Variants in TEX14 observed in about 807,000 individuals in gnomAD.
TEX14 encodes testis expressed 14, intercellular bridge forming factor, also known as inactive serine/threonine-protein kinase TEX14.
TEX14 carries 168 observed loss-of-function variants against 178.6 expected under a neutral mutation model. The observed-to-expected ratio is 0.94, with a 90% CI of 0.83 to 1.07. The LOEUF is 1.07. Among genes scored for constraint, TEX14 ranks in the 50% least tolerant of loss-of-function variants. TEX14 has a pLI of 0.00. For missense variants in TEX14, 1,730 were observed against 1,753.6 expected, an observed-to-expected ratio of 0.99 and a Z score of 0.24; for synonymous variants, 626 against 634.1, an observed-to-expected ratio of 0.99 and a Z score of 0.19.
rs199725150 is a variant in TEX14, at chr17:58,651,973, G to A, written c.29C>T (p.Pro10Leu). 3 of 1,602,216 alleles carry A rather than the reference G, an allele frequency of 1.9e-6. No individual in the cohort carries two copies. Among genetic ancestry groups the A allele is most frequent in the East Asian group, 4.5e-5 (2 of 44,426 alleles). The change falls in exon 2 of 32, where the codon CCC (proline) becomes CTC (leucine). Residue 10 changes from proline (P) to leucine (L), a missense_variant. This residue lies in a region of TEX14 where 789 missense variants were observed against 681.2 expected (regional missense o/e 1.16). Transcript: ENST00000349033. ...TAAGGTACCAAGTTGAACAGGACAG[G>A]GGACTGGAAGACGAACAGCCCGAGA... MSRAVRLPV[P>L]CPVQLGTLRN...
chr17:58,660,986 A>C, intron 1 of TEX14: 1 of 1,168,434 alleles, frequency 8.6e-7, no homozygotes, highest in Non-Finnish European at 1.3e-6. Flanking sequence ...TTCTAAGCTG[A>C]TATCAATCCA....
chr17:58,612,573 A>G (rs1189773856), intron 9 of TEX14, among the ~76,000 whole-genome samples: 1 of 151,906 alleles, frequency 6.6e-6, no homozygotes, highest in African/African-American at 2.4e-5. Flanking sequence ...CGTCTCTACT[A>G]AAAATACAAA....
At chr17:58,632,040 TATG>T (rs969985469) in intron 2 of TEX14, among the ~76,000 whole-genome samples, 9 of 152,198 alleles carry the variant, frequency 5.9e-5, no homozygotes, top group Non-Finnish European at 1.2e-4. Flanking sequence ...GTAATTAACA[TATG>T]GTAGCAAAGC....
chr17:58,690,676 A>G (rs1424825091), intron 1 of TEX14, among the ~76,000 whole-genome samples: 2 of 152,116 alleles, frequency 1.3e-5, no homozygotes, highest in Non-Finnish European at 2.9e-5. Context: ...AATATAGACC[A>G]TATTAGAAGT....
intron 1 of TEX14, among the ~76,000 whole-genome samples, chr17:58,665,874 C>T (rs2047194232): frequency 6.6e-6 from 1 of 152,014 alleles, no homozygotes; most frequent in South Asian, 2.1e-4. Flanking sequence ...AGTGAAAACT[C>T]GTCTCTACTA....
intron 17 of TEX14, among the ~76,000 whole-genome samples, chr17:58,586,498 T>C (rs1418365100): frequency 1.3e-5 from 2 of 152,226 alleles, no homozygotes; most frequent in African/African-American, 4.8e-5. Context: ...CATATATGCA[T>C]GTTTTCATTT....
intron 28 of TEX14, among the ~76,000 whole-genome samples, chr17:58,563,814 A>ACG (rs1491394952): frequency 7.2e-5 from 7 of 96,734 alleles, no homozygotes; most frequent in African/African-American, 2.0e-4. Flanking sequence ...ACACACAGAC[A>ACG]CACACACACA....
At chr17:58,685,071 C>T (rs918468313) in intron 1 of TEX14, among the ~76,000 whole-genome samples, 7 of 151,604 alleles carry the variant, frequency 4.6e-5, no homozygotes, top group Admixed American at 3.3e-4. Context: ...AGAAATAATA[C>T]GAATGAAAAA....
intron 2 of TEX14, among the ~76,000 whole-genome samples, chr17:58,650,780 G>A (rs771746565): frequency 2.0e-5 from 3 of 152,148 alleles, no homozygotes; most frequent in Non-Finnish European, 2.9e-5. Context: ...CCAGCCATGA[G>A]AACTTTATGA....
intron 15 of TEX14, 88 bp from the exon 16 acceptor site, chr17:58,588,109 G>A: frequency 1.5e-6 from 1 of 671,232 alleles, no homozygotes; most frequent in South Asian, 1.7e-5. Context: ...AGTGCTCTTG[G>A]GAGATTTTCA....
chr17:58,564,803 G>T, intron 28 of TEX14, 66 bp downstream of exon 28: 1 of 998,672 alleles, frequency 1.0e-6, no homozygotes, highest in Non-Finnish European at 1.5e-6. Flanking sequence ...GTCAATATTA[G>T]AAAAAAACCT....
At chr17:58,620,520 GTGT>G (rs528670526) in intron 5 of TEX14, among the ~76,000 whole-genome samples, 155 of 151,754 alleles carry the variant, frequency 1.0e-3, no homozygotes, top group Non-Finnish European at 2.0e-3. Flanking sequence ...TTGAGACAGT[GTGT>G]TGCTCTGTCA....
rs1229951893 is a variant in TEX14 at position 58,661,779 on chromosome 17, C to G, written c.-1-9777G>C. On this transcript the variant is annotated intron_variant, in intron 1 of 31. Coordinates refer to ENST00000349033, the MANE Select transcript of TEX14 (RefSeq NM_031272.5). Reference sequence around the variant, plus strand: ...GGAGTCGGTTGTGCCGGGTCTGAATCGCTGCTCCACTCCGGGTCTTCGTCA... The same window carrying G: ...GGAGTCGGTTGTGCCGGGTCTGAATGGCTGCTCCACTCCGGGTCTTCGTCA... 5.7e-6 allele frequency: 3 copies of G among 522,648 alleles called. No homozygotes were observed. The Admixed American group carries it at 1.1e-4, about 19-fold the overall frequency. 32.4% of individuals were successfully genotyped at this position (522,648 alleles called of 1,614,324 possible). A position where few individuals can be genotyped will look rare whatever the true frequency, so the allele number is the denominator to read the frequency against.
chr17:58,673,078 T>C (rs1431487824), intron 1 of TEX14, among the ~76,000 whole-genome samples: 2 of 152,034 alleles, frequency 1.3e-5, no homozygotes, highest in East Asian at 3.9e-4. Flanking sequence ...TTCTTACAAT[T>C]GAGTGGTTCT....
Position 58,631,230 on chromosome 17 carries a change from G to C in TEX14, c.137-676C>G, listed in dbSNP as rs564749825. 32 of 707,456 alleles carry C rather than the reference G, an allele frequency of 4.5e-5. No homozygotes were observed. In the Admixed American group the frequency reaches 1.9e-3, roughly 43 times the overall value. 43.8% of individuals were successfully genotyped at this position (707,456 alleles called of 1,614,324 possible). On this transcript the variant is annotated intron_variant, in intron 2 of 31. Transcript: ENST00000349033. ...TAATGCCAGCTCTTTGGGAAGCCGA[G>C]GCGGGTAGATCACTTGAGGCCAAGA...
chr17:58,571,893 G>C, intron 24 of TEX14, 28 bp downstream of exon 24: 1 of 1,601,894 alleles, frequency 6.2e-7, no homozygotes, highest in Non-Finnish European at 8.5e-7. Flanking sequence ...GACTCCATGA[G>C]TTTGTAACGT....
rs764942993 is a variant in TEX14, at chr17:58,588,017, C to T, written c.2581G>A (p.Gly861Arg). ...TSRIQNTSSQ[G>R]RPRESTAQAK... is the part of the protein sequence containing the mutation. ...TGGGCAGTGGACTCTCTAGGTCTTC[C>T]CTGGCTAAGAAATGAAAGGACTGAG... Residue 861 changes from glycine to arginine, a missense_variant, in exon 16 of 32, where the codon GGA becomes AGA. Coordinates refer to ENST00000349033, the MANE Select transcript of TEX14 (RefSeq NM_031272.5). The T allele has an allele frequency of 9.0e-7, 1 of 1,114,028 alleles. No individual in the cohort carries two copies. Among genetic ancestry groups the T allele is most frequent in the South Asian group, 1.2e-5 (1 of 80,916 alleles). 69.0% of individuals were successfully genotyped at this position (1,114,028 alleles called of 1,614,324 possible).
At position 58,616,083 on chromosome 17, in the gene TEX14, G is replaced by A; in HGVS notation, c.767+92C>T. Reference sequence around the variant, plus strand: ...ATGTTCTTAGGTGTTCCCTGTGTTTGAGTAGAAACTCCCCACACATAAGGA... The same window carrying A: ...ATGTTCTTAGGTGTTCCCTGTGTTTAAGTAGAAACTCCCCACACATAAGGA... On this transcript the variant is annotated intron_variant, in intron 7 of 31. Coordinates refer to ENST00000349033, the MANE Select transcript of TEX14 (RefSeq NM_031272.5). 10 of 1,386,250 alleles carry A rather than the reference G, an allele frequency of 7.2e-6. No homozygotes were observed. In the South Asian group the frequency reaches 1.4e-4, roughly 19 times the overall value. 85.9% of individuals were successfully genotyped at this position (1,386,250 alleles called of 1,614,324 possible). A position where few individuals can be genotyped will look rare whatever the true frequency, so the allele number is the denominator to read the frequency against.
chr17:58,619,524 G>A (rs755921332), intron 5 of TEX14, among the ~76,000 whole-genome samples: 6 of 152,074 alleles, frequency 3.9e-5, no homozygotes, highest in African/African-American at 7.2e-5. Context: ...TAAGAGGAGG[G>A]GGGGCGGGCA....
Sources: gnomAD v4.1 joint callset for allele counts (sites outside exome capture counted in the v4.1 genomes callset) on GRCh38, gnomAD v4.1.1 for gene constraint, gnomAD v4.1.1 regional missense constraint, MANE v1.5 for transcripts, NCBI Gene and HGNC (gene_info 2026-07-23, HGNC 2026-07-21) for gene names.